The following PCDHGA4 variants were observed in gnomAD, a reference collection of about 807,000 sequenced individuals.
The protein encoded by PCDHGA4 is protocadherin gamma subfamily A, 4, also known as protocadherin gamma-A4.
PCDHGA4 carries 38 observed loss-of-function variants against 54.6 expected under a neutral mutation model. The ratio of observed to expected loss-of-function variants is 0.70; its 90% CI spans 0.54 to 0.91. The LOEUF (loss-of-function observed/expected upper bound fraction) is 0.91. PCDHGA4 is among the 40% of genes least tolerant of loss of function. The pLI, the probability that PCDHGA4 is intolerant of heterozygous loss-of-function variation, is 0.00. For missense variants in PCDHGA4, 1,298 were observed against 1,220.9 expected (o/e 1.06, Z -0.94); for synonymous variants, 511 against 512.9 (o/e 1.00, Z 0.05).
intron 1 of PCDHGA4, among the ~76,000 whole-genome samples, chr5:141,448,952 C>A (rs1278778374): frequency 2.6e-5 from 4 of 151,698 alleles, no homozygotes; most frequent in Non-Finnish European, 5.9e-5. Flanking sequence ...CTCAAAAAAA[C>A]AAACAAACAA....
intron 1 of PCDHGA4, chr5:141,374,893 T>C (rs1261699013): frequency 1.9e-6 from 3 of 1,613,834 alleles, no homozygotes. Context: ...CCGACCAGGA[T>C]GAAGGAGTCC....
At chr5:141,382,916 G>A (rs1778572994) in intron 1 of PCDHGA4, 12 of 1,554,424 alleles carry the variant, frequency 7.7e-6, no homozygotes, top group Non-Finnish European at 9.6e-6. Flanking sequence ...GCTCAGCCGA[G>A]GGGCGGGGAC....
chr5:141,363,318 A>C (rs1762874223), intron 1 of PCDHGA4, among the ~76,000 whole-genome samples: 1 of 152,190 alleles, frequency 6.6e-6, no homozygotes, highest in Admixed American at 6.5e-5. Flanking sequence ...GTTTTCTATG[A>C]AAGTGTTATT....
intron 2 of PCDHGA4, among the ~76,000 whole-genome samples, chr5:141,503,598 C>CA (rs765754054): frequency 0.15 from 9,705 of 65,252 alleles, 922 homozygotes; most frequent in African/African-American, 0.34. Context: ...GACTCCAGCT[C>CA]AAAAAAAAAA....
At chr5:141,498,709 A>G (rs1245852373) in intron 2 of PCDHGA4, among the ~76,000 whole-genome samples, 2 of 152,148 alleles carry the variant, frequency 1.3e-5, no homozygotes, top group African/African-American at 4.8e-5. Context: ...AGGTGGGTGG[A>G]TCACCTGAGG....
Position 141,511,107 on chromosome 5 carries a change from G to A in PCDHGA4, c.2823G>A (p.Arg941=), listed in dbSNP as rs2099883608. 1 of 1,614,220 alleles carries A rather than the reference G, an allele frequency of 6.2e-7. No homozygotes were observed. Among genetic ancestry groups the A allele is most frequent in the Non-Finnish European group, 8.5e-7 (1 of 1,180,020 alleles). Residue 941 remains arginine, a synonymous_variant, in exon 4 of 4, where the codon CGG becomes CGA. Coordinates refer to ENST00000571252, the MANE Select transcript of PCDHGA4 (RefSeq NM_018917.4). Reference sequence around the variant, plus strand: ...CACTGACCAACGCAGCTGGCAAGCGGGATGGCAAGGCCCCAGCAGGTGGCA... The same window carrying A: ...CACTGACCAACGCAGCTGGCAAGCGAGATGGCAAGGCCCCAGCAGGTGGCA... The part of the protein sequence containing the change: ...NATLTNAAGK[R]DGKAPAGGNG...
chr5:141,494,234 A>G (rs1299510042), intron 1 of PCDHGA4, among the ~76,000 whole-genome samples: 1 of 152,138 alleles, frequency 6.6e-6, no homozygotes, highest in Non-Finnish European at 1.5e-5. Context: ...CTAAATTAAT[A>G]ATGTATTTAG....
At chr5:141,420,391 G>C in intron 1 of PCDHGA4, 1 of 1,270,636 alleles carries the variant, frequency 7.9e-7, no homozygotes, top group Non-Finnish European at 1.0e-6. Flanking sequence ...GCAAAATATA[G>C]GTCAAATTTA....
chr5:141,361,862 A>G (rs529050420), intron 1 of PCDHGA4: 1 of 1,611,966 alleles, frequency 6.2e-7, no homozygotes, highest in East Asian at 2.2e-5. Context: ...GCCCTCTTCG[A>G]TATGGTGCCA....
intron 1 of PCDHGA4, chr5:141,371,948 A>C (rs200505160): frequency 1.9e-6 from 3 of 1,613,136 alleles, no homozygotes; most frequent in Admixed American, 1.7e-5. Context: ...TCGCGCAGCG[A>C]GCCTTCGACC....
chr5:141,432,630 G>A lies in PCDHGA4; in HGVS notation c.2515-62177G>A, dbSNP rs1278355878. On this transcript the variant is annotated intron_variant, in intron 1 of 3. Coordinates refer to ENST00000571252, the MANE Select transcript of PCDHGA4 (RefSeq NM_018917.4). This position sits in a 1 kb window ranked among gnomAD's most constrained non-coding sequence, Gnocchi z 6.0. ...CTCTTCTCGGTGGGTCTGCACACGG[G>A]CGAGGTGCGCACGGCGCGAGCCCTG... 3.7e-6 allele frequency: 6 copies of A among 1,612,782 alleles called. No homozygotes were observed. Among genetic ancestry groups the A allele is most frequent in the Non-Finnish European group, 5.1e-6 (6 of 1,179,682 alleles).
chr5:141,366,257 G>A, intron 1 of PCDHGA4: 1 of 1,613,694 alleles, frequency 6.2e-7, no homozygotes, highest in Middle Eastern at 1.6e-4. Flanking sequence ...GCAGAGCCTC[G>A]TGGTGGCCGT....
rs750804901 is a variant in PCDHGA4 at position 141,476,422 on chromosome 5, C to G, written c.2515-18385C>G. On this transcript the variant is annotated intron_variant, in intron 1 of 3. Coordinates refer to ENST00000571252, the MANE Select transcript of PCDHGA4 (RefSeq NM_018917.4). The surrounding 1 kb of genome is among the most constrained non-coding windows in gnomAD (Gnocchi z 7.6). ...GAGAGGAGCTGTGTGGGACACTGCC[C>G]TCTTGCACTGTAACTCTGGAGTTGG... 17 of 1,614,026 alleles carry G rather than the reference C, an allele frequency of 1.1e-5. No individual in the cohort carries two copies. The highest frequency in any genetic ancestry group is 1.4e-5 in the Non-Finnish European group (17 of 1,180,030).
At chr5:141,403,223 G>C (rs1414315950) in intron 1 of PCDHGA4, 2 of 1,613,968 alleles carry the variant, frequency 1.2e-6, no homozygotes, top group Non-Finnish European at 8.5e-7. Flanking sequence ...GGGTAGGATA[G>C]ACCGGGAGGA....
chr5:141,376,317 G>A, intron 1 of PCDHGA4: 1 of 1,614,202 alleles, frequency 6.2e-7, no homozygotes, highest in East Asian at 2.2e-5. Flanking sequence ...GGCGTGGAAG[G>A]GGTTCGGGCT....
At chr5:141,459,568 CAG>C (rs930633590) in intron 1 of PCDHGA4, among the ~76,000 whole-genome samples, 1 of 152,152 alleles carries the variant, frequency 6.6e-6, no homozygotes, top group Non-Finnish European at 1.5e-5. Context: ...TACCCCAAAA[CAG>C]AATTGTTTTG....
chr5:141,417,711 C>A, intron 1 of PCDHGA4: 1 of 1,261,876 alleles, frequency 7.9e-7, no homozygotes, highest in Non-Finnish European at 1.1e-6. Flanking sequence ...CACAGAGGCT[C>A]CCGGCTGCGC....
chr5:141,460,981 G>GTA (rs1491204135), intron 1 of PCDHGA4, among the ~76,000 whole-genome samples: 1,658 of 121,856 alleles, frequency 0.014, 27 homozygotes, highest in African/African-American at 0.051. Flanking sequence ...GTGTGTGTGT[G>GTA]TGTATATATA....
In PCDHGA4 at chr5:141,430,720, T is replaced by C. The variant is rs369549088; in HGVS notation, c.2515-64087T>C. On this transcript the variant is annotated intron_variant, in intron 1 of 3. Transcript: ENST00000571252. ...AAGGAACTGCTCCTGACTTCAGTGG[T>C]TAAGGGCAGAATTGAAAATAATTCT... The C allele has an allele frequency of 4.9e-4, 734 of 1,486,386 alleles. 1 individual carries two copies. Among genetic ancestry groups the C allele is most frequent in the Middle Eastern group, 9.1e-4 (5 of 5,506 alleles). The allele number at this position is 1,486,386 out of a possible 1,614,324, so 92.1% of individuals were successfully genotyped here.
Sources: gnomAD v4.1 joint callset for allele counts (sites outside exome capture counted in the v4.1 genomes callset) on GRCh38, gnomAD v4.1.1 for gene constraint, Gnocchi (gnomAD v3.1) non-coding constraint, MANE v1.5 for transcripts, NCBI Gene and HGNC (gene_info 2026-07-23, HGNC 2026-07-21) for gene names.